Variants in LUZP2 observed in about 807,000 individuals in gnomAD.
LUZP2 encodes leucine zipper protein 2.
LUZP2 carries 52 observed loss-of-function variants against 51.6 expected under a neutral mutation model. The observed-to-expected ratio is 1.01, with a 90% CI of 0.81 to 1.27. The LOEUF is 1.27. Among genes scored for constraint, LUZP2 ranks in the 50% most tolerant of loss-of-function variants. The pLI is 0.00. For missense variants in LUZP2, 436 were observed against 395.4 expected, an observed-to-expected ratio of 1.10 and a Z score of -0.87; for synonymous variants, 154 against 137.3, an observed-to-expected ratio of 1.12 and a Z score of -0.85.
At chr11:24,713,340 C>T (rs151196610) in intron 1 of LUZP2, among the ~76,000 whole-genome samples, 1 of 151,972 alleles carries the variant, frequency 6.6e-6, no homozygotes. Context: ...CTAGCGAAAC[C>T]GAATCGAAGT....
intron 1 of LUZP2, among the ~76,000 whole-genome samples, chr11:24,600,094 G>T (rs1853570926): frequency 6.6e-6 from 1 of 151,818 alleles, no homozygotes; most frequent in Non-Finnish European, 1.5e-5. Flanking sequence ...AAATTAAGAT[G>T]GGTCCTACTG....
intron 5 of LUZP2, among the ~76,000 whole-genome samples, chr11:24,852,179 T>C (rs766520199): frequency 1.3e-5 from 2 of 152,176 alleles, no homozygotes; most frequent in African/African-American, 2.4e-5. Context: ...GCTTCTCTAG[T>C]TCTTTTCATT....
At chr11:24,595,064 C>A (rs1389829647) in intron 1 of LUZP2, among the ~76,000 whole-genome samples, 1 of 151,766 alleles carries the variant, frequency 6.6e-6, no homozygotes, top group Non-Finnish European at 1.5e-5. Flanking sequence ...CCATTGACCA[C>A]TCTTACAGAT....
chr11:24,919,706 T>A (rs1043959233), intron 7 of LUZP2, among the ~76,000 whole-genome samples: 1 of 149,738 alleles, frequency 6.7e-6, no homozygotes, highest in East Asian at 2.0e-4. Context: ...TGATGAAAAA[T>A]CCTTTCTTAT....
At chr11:24,925,505 A>T (rs1300875179) in intron 7 of LUZP2, among the ~76,000 whole-genome samples, 1 of 152,126 alleles carries the variant, frequency 6.6e-6, no homozygotes, top group Admixed American at 6.5e-5. Context: ...TTGTAGCCTT[A>T]TTCCTTGCAT....
In LUZP2 at chr11:24,566,005, A is replaced by C. The variant is rs1157450817; in HGVS notation, c.62+68700A>C. 2.0e-5 allele frequency among the ~76,000 whole-genome samples: 3 copies of C among 152,014 alleles called. No individual in the cohort carries two copies. In the East Asian group the frequency reaches 5.8e-4, roughly 29 times the overall value. ...AGTATCCATAAATATAATACAAAAT[A>C]ATTGTAATGTAAACGATAGAAAATA... is the stretch of plus-strand genomic sequence containing the variant. On this transcript the variant is annotated intron_variant, in intron 1 of 11. Transcript: ENST00000336930.
rs1273474080 is a variant in LUZP2, at chr11:25,081,226, G to A, written c.*2568G>A. The A allele has an allele frequency of 6.6e-6, 1 of 151,416 alleles. No individual in the cohort carries two copies. Among genetic ancestry groups the A allele is most frequent in the African/African-American group, 2.4e-5 (1 of 41,240 alleles). The allele number at this position is 151,416 out of a possible 1,614,324, so 9.4% of individuals were successfully genotyped here. A position where few individuals can be genotyped will look rare whatever the true frequency, so the allele number is the denominator to read the frequency against. On this transcript the variant is annotated 3_prime_UTR_variant, in exon 12 of 12. Transcript: ENST00000336930. ...TTTTTATATTTTTAATAGAGACGGG[G>A]TTTCACCATGTTGGCCAGGCTGGTC... is the stretch of plus-strand genomic sequence containing the variant.
At chr11:24,751,525 G>A in intron 4 of LUZP2, 1 of 938,728 alleles carries the variant, frequency 1.1e-6, no homozygotes, top group South Asian at 4.9e-5. Context: ...AGCCCTGCTA[G>A]AATGAGAAGT....
At chr11:24,643,272 A>C (rs1281319488) in intron 1 of LUZP2, among the ~76,000 whole-genome samples, 2 of 141,434 alleles carry the variant, frequency 1.4e-5, no homozygotes, top group Non-Finnish European at 3.2e-5. Flanking sequence ...AAAAAAAAAA[A>C]AAAAATTAGC....
At chr11:24,757,791 C>T (rs1307765683) in intron 4 of LUZP2, among the ~76,000 whole-genome samples, 1 of 151,896 alleles carries the variant, frequency 6.6e-6, no homozygotes, top group African/African-American at 2.4e-5. Context: ...GAAGTATGAT[C>T]AGCAACTTTC....
chr11:24,537,954 G>C (rs1170811730), intron 1 of LUZP2, among the ~76,000 whole-genome samples: 1 of 151,842 alleles, frequency 6.6e-6, no homozygotes, highest in Non-Finnish European at 1.5e-5. Flanking sequence ...TGAGCTATTT[G>C]TGTTGCTTGT....
At chr11:25,037,274 A>G (rs574347055) in intron 9 of LUZP2, among the ~76,000 whole-genome samples, 1 of 152,156 alleles carries the variant, frequency 6.6e-6, no homozygotes, top group South Asian at 2.1e-4. Flanking sequence ...AAGAATAGCT[A>G]TTTCTGCTCT....
chr11:25,025,553 C>T (rs1394150483), intron 9 of LUZP2, among the ~76,000 whole-genome samples: 1 of 152,168 alleles, frequency 6.6e-6, no homozygotes, highest in Admixed American at 6.5e-5. Flanking sequence ...AAATGCTCAT[C>T]ACTGGTCATC....
chr11:24,762,172 C>T (rs886143141), intron 4 of LUZP2, among the ~76,000 whole-genome samples: 2 of 152,102 alleles, frequency 1.3e-5, no homozygotes, highest in Non-Finnish European at 2.9e-5. Flanking sequence ...TAAAAATTAA[C>T]CTTCTTCCTA....
Position 24,729,282 on chromosome 11 carries a change from T to C in LUZP2, c.176T>C (p.Leu59Pro). 6.6e-7 allele frequency: 1 copy of C among 1,523,446 alleles called. No homozygotes were observed. Among genetic ancestry groups the C allele is most frequent in the South Asian group, 1.2e-5 (1 of 82,292 alleles). 94.4% of individuals were successfully genotyped at this position (1,523,446 alleles called of 1,614,324 possible). ...GAACTTGATGGAATTAAAGTCAATC[T>C]TCAGGTGAGATGAGAACTCATTTTC... is the stretch of plus-strand genomic sequence containing the variant. ...SRELDGIKVNLQSLKNDEQSA... is the reference protein window; with the variant it reads ...SRELDGIKVNPQSLKNDEQSA... The change falls in exon 2 of 12, where the codon CTT becomes CCT. Residue 59 changes from leucine to proline, a missense_variant. Physicochemically the swap from Leu to Pro is moderately conservative, Grantham distance 98. Coordinates refer to ENST00000336930, the MANE Select transcript of LUZP2 (RefSeq NM_001009909.4).
At chr11:24,526,316 A>G (rs962789414) in intron 1 of LUZP2, among the ~76,000 whole-genome samples, 4 of 151,038 alleles carry the variant, frequency 2.6e-5, no homozygotes, top group African/African-American at 9.7e-5. Context: ...CTGACAAAGC[A>G]TATCTAACTA....
intron 9 of LUZP2, among the ~76,000 whole-genome samples, chr11:25,021,048 G>A (rs1348380554): frequency 6.6e-6 from 1 of 152,020 alleles, no homozygotes; most frequent in Non-Finnish European, 1.5e-5. Context: ...TATGTAAGAT[G>A]ATAAACCCCT....
rs147925757 is a variant in LUZP2 at position 24,735,789 on chromosome 11, T to C, written c.252-2432T>C. 9.4e-4 allele frequency among the ~76,000 whole-genome samples: 143 copies of C among 152,086 alleles called. 5 individuals are homozygous for C. In the South Asian group the frequency reaches 0.023, roughly 25 times the overall value. ...CACTCGAGCCAGGAATTTTTTAGAA[T>C]TAAAGTTTCAGTTTAGTACCAAACA... is the stretch of plus-strand genomic sequence containing the variant. On this transcript the variant is annotated intron_variant, in intron 3 of 11. Coordinates refer to ENST00000336930, the MANE Select transcript of LUZP2 (RefSeq NM_001009909.4).
intron 1 of LUZP2, among the ~76,000 whole-genome samples, chr11:24,587,837 G>A (rs1853125263): frequency 6.6e-6 from 1 of 151,812 alleles, no homozygotes; most frequent in Non-Finnish European, 1.5e-5. Context: ...TGTGGTGAGA[G>A]GGAAAAAAAG....
Sources: gnomAD v4.1 joint callset for allele counts (sites outside exome capture counted in the v4.1 genomes callset) on GRCh38, gnomAD v4.1.1 for gene constraint, MANE v1.5 for transcripts, NCBI Gene and HGNC (gene_info 2026-07-23, HGNC 2026-07-21) for gene names.